Variants in FAM185A observed in about 807,000 individuals in gnomAD.
The protein encoded by FAM185A is protein FAM185A.
FAM185A carries 21 observed loss-of-function variants against 45.7 expected under a neutral mutation model. That is an observed-to-expected ratio of 0.46 (90% CI 0.33 to 0.66). The LOEUF (loss-of-function observed/expected upper bound fraction) is 0.66. FAM185A is among the 30% of genes least tolerant of loss of function. FAM185A has a pLI of 0.03. For synonymous variants in FAM185A, 117 were observed against 194.0 expected (o/e 0.60, Z 3.30); for missense variants, 305 against 485.4 (o/e 0.63, Z 3.49).
the FAM185A span, among the ~76,000 whole-genome samples, chr7:102,836,384 G>A: frequency 6.6e-6 from 1 of 152,230 alleles, no homozygotes; most frequent in African/African-American, 2.4e-5. Context: ...GTCATATTAA[G>A]TACTTAAATC....
rs534506310 is a variant in FAM185A at position 102,808,418 on chromosome 7, G to A, written c.*16G>A. ...GCAGGACTAAAACTGATTTGAGTTG[G>A]ATTTATGATTTTTAACAATGATTCG... On this transcript the variant is annotated 3_prime_UTR_variant, in exon 8 of 8. Coordinates refer to ENST00000413034, the MANE Select transcript of FAM185A (RefSeq NM_001145268.2). The A allele has an allele frequency of 7.2e-7, 1 of 1,385,976 alleles. No individual in the cohort carries two copies. The highest frequency in any genetic ancestry group is 1.0e-6 in the Non-Finnish European group (1 of 997,056). 85.9% of individuals were successfully genotyped at this position (1,385,976 alleles called of 1,614,324 possible).
intron 5 of FAM185A, among the ~76,000 whole-genome samples, chr7:102,776,097 T>TACACACACACACACACACAC (rs1562858777): frequency 3.6e-5 from 4 of 110,348 alleles, no homozygotes; most frequent in Non-Finnish European, 6.9e-5. Context: ...TGTTGGCTCC[T>TACACACACACACACACACAC]ATACACACAC....
At chr7:102,778,825 G>T (rs1795232450) in intron 6 of FAM185A, among the ~76,000 whole-genome samples, 1 of 152,254 alleles carries the variant, frequency 6.6e-6, no homozygotes, top group South Asian at 2.1e-4. Flanking sequence ...AAGAGTAATG[G>T]AAAGTTATTC....
chr7:102,835,368 A>G, the FAM185A span, among the ~76,000 whole-genome samples: 1 of 152,180 alleles, frequency 6.6e-6, no homozygotes, highest in Non-Finnish European at 1.5e-5. Context: ...CCTTTGAATT[A>G]TTGGAATCAG....
intron 1 of FAM185A, 94 bp downstream of exon 1, chr7:102,749,752 C>T (rs904299574): frequency 6.8e-7 from 1 of 1,466,498 alleles, no homozygotes; most frequent in African/African-American, 1.4e-5. Context: ...TTGGTCCTGG[C>T]TCTCTAAACC....
downstream of FAM185A, among the ~76,000 whole-genome samples, chr7:102,812,367 T>C (rs1797480398): frequency 6.6e-6 from 1 of 152,234 alleles, no homozygotes; most frequent in South Asian, 2.1e-4. Flanking sequence ...AGTTTAAGAA[T>C]TCCTCCGTTG....
rs1431611233 is a variant in FAM185A, at chr7:102,757,926, A to G, written c.634A>G (p.Ile212Val). The G allele has an allele frequency of 1.3e-6, 2 of 1,531,670 alleles. No homozygotes were observed. Among genetic ancestry groups the G allele is most frequent in the Non-Finnish European group, 1.8e-6 (2 of 1,141,640 alleles). The allele number at this position is 1,531,670 out of a possible 1,614,324, so 94.9% of individuals were successfully genotyped here. A position where few individuals can be genotyped will look rare whatever the true frequency, so the allele number is the denominator to read the frequency against. Residue 212 changes from isoleucine (I) to valine (V), a missense_variant, in exon 3 of 8, where the codon ATT (isoleucine) becomes GTT (valine). Physicochemically the swap from Ile to Val is conservative, Grantham distance 29 (BLOSUM62 3). Transcript: ENST00000413034. The part of the protein sequence containing the change: ...CLGTVYGNID[I>V]HASDKSAVTI... ...GGGAACAGTTTATGGAAATATAGATATTCATGCATCAGATAAAAGTGTAAG... is the reference window on the plus strand; with the variant it reads ...GGGAACAGTTTATGGAAATATAGATGTTCATGCATCAGATAAAAGTGTAAG...
chr7:102,834,089 A>AGGAAGGAAGGAAGGAAGGAAGGAAGGAAG, the FAM185A span, among the ~76,000 whole-genome samples: 1 of 68,544 alleles, frequency 1.5e-5, no homozygotes, highest in African/African-American at 6.2e-5. Flanking sequence ...AGGAAAGAAA[A>AGGAAGGAAGGAAGGAAGGAAGGAAGGAAG]GAAAGAAAGA....
chr7:102,829,828 G>A, the FAM185A span, among the ~76,000 whole-genome samples: 35,617 of 152,004 alleles, frequency 0.23, 4,935 homozygotes, highest in African/African-American at 0.39. Context: ...ACACCAATGT[G>A]TTTTACGGCT....
chr7:102,822,334 A>G, the FAM185A span: 9 of 874,380 alleles, frequency 1.0e-5, no homozygotes. Context: ...TTTATTTCTC[A>G]CAGTTCTAGA....
chr7:102,789,377 C>T (rs1314610148), intron 7 of FAM185A, among the ~76,000 whole-genome samples: 4 of 152,220 alleles, frequency 2.6e-5, no homozygotes, highest in African/African-American at 4.8e-5. Flanking sequence ...GCCTCAACTT[C>T]CCAAAGAACA....
chr7:102,787,020 A>G (rs1246677908), intron 6 of FAM185A, among the ~76,000 whole-genome samples: 1 of 152,160 alleles, frequency 6.6e-6, no homozygotes, highest in Non-Finnish European at 1.5e-5. Flanking sequence ...GGCAAATCCT[A>G]TCTATAAGCT....
the FAM185A span, among the ~76,000 whole-genome samples, chr7:102,829,835 G>A: frequency 6.6e-6 from 1 of 152,044 alleles, no homozygotes; most frequent in African/African-American, 2.4e-5. Flanking sequence ...TGTGTTTTAC[G>A]GCTCATCAAA....
At chr7:102,776,702 T>TAAAAAAA (rs72022042) in intron 5 of FAM185A, among the ~76,000 whole-genome samples, 9,973 of 95,920 alleles carry the variant, frequency 0.1, 376 homozygotes, top group African/African-American at 0.14. Flanking sequence ...ACCCTGTCTC[T>TAAAAAAA]AAAAAAAAAA....
intron 6 of FAM185A, among the ~76,000 whole-genome samples, chr7:102,784,110 T>A (rs1795610744): frequency 6.6e-6 from 1 of 152,088 alleles, no homozygotes; most frequent in South Asian, 2.1e-4. Context: ...CCTGGACACA[T>A]ACACCCTCCC....
intron 7 of FAM185A, among the ~76,000 whole-genome samples, chr7:102,797,680 T>G (rs1437571188): frequency 3.9e-5 from 6 of 152,212 alleles, no homozygotes; most frequent in Non-Finnish European, 8.8e-5. Context: ...TCTTTTCACA[T>G]CTTTTGAACC....
chr7:102,751,543 G>A (rs1793364141), intron 1 of FAM185A, 149 bp from the exon 2 acceptor site: 20 of 786,856 alleles, frequency 2.5e-5, no homozygotes, highest in Non-Finnish European at 3.3e-5. Context: ...TCCCGTTGCT[G>A]TGGTAGAAGA....
the FAM185A span, chr7:102,827,171 G>A: frequency 1.7e-4 from 78 of 454,770 alleles, no homozygotes; most frequent in African/African-American, 1.5e-3. Context: ...TAGCCTCTTG[G>A]AATGTGTTAC....
Position 102,761,386 on chromosome 7 carries a change from G to C in FAM185A, c.768G>C (p.Gly256=), listed in dbSNP as rs890690661. ...CATCATTTCTGTCTTCTGCTGCTGG[G>C]GATATTACATTAGGAAGTGTTCATG... ...TESSFLSSAA[G]DITLGSVHGN... Residue 256 remains glycine (G), a synonymous_variant, in exon 4 of 8, where the codon GGG becomes GGC. Coordinates refer to ENST00000413034, the MANE Select transcript of FAM185A (RefSeq NM_001145268.2). 2.6e-6 allele frequency: 4 copies of C among 1,536,188 alleles called. No homozygotes were observed. The highest frequency in any genetic ancestry group is 2.8e-5 in the African/African-American group (2 of 71,826).
Sources: gnomAD v4.1 joint callset for allele counts (sites outside exome capture counted in the v4.1 genomes callset) on GRCh38, gnomAD v4.1.1 for gene constraint, MANE v1.5 for transcripts, NCBI Gene and HGNC (gene_info 2026-07-23, HGNC 2026-07-21) for gene names.